The following IFRD1 variants were observed in gnomAD, a reference collection of about 807,000 sequenced individuals.
The protein encoded by IFRD1 is interferon-related developmental regulator 1.
Under a neutral mutation model 52.9 loss-of-function variants are expected in IFRD1, and 35 were observed. That is an observed-to-expected ratio of 0.66 (90% CI 0.51 to 0.88). IFRD1 has a LOEUF of 0.88. IFRD1 is among the 40% of genes least tolerant of loss of function. The probability of loss-of-function intolerance (pLI) is 0.00; values close to 1 mark genes in which losing one functional copy is unlikely to be tolerated. For synonymous variants in IFRD1, 184 were observed against 188.4 expected, an observed-to-expected ratio of 0.98 and a Z score of 0.19; for missense variants, 517 against 550.8, an observed-to-expected ratio of 0.94 and a Z score of 0.61.
At chr7:112,446,294 C>A, upstream of IFRD1, 1 of 224,112 alleles carries the variant, frequency 4.5e-6, no homozygotes, top group South Asian at 6.9e-5. Context: ...CTTATTTTGC[C>A]ATTCTCATCC....
chr7:112,447,701 A>G (rs1260151364), upstream of IFRD1, among the ~76,000 whole-genome samples: 1 of 152,086 alleles, frequency 6.6e-6, no homozygotes, highest in East Asian at 1.9e-4. Flanking sequence ...TGATGTTTGG[A>G]GTCTTCTAAT....
chr7:112,473,868 CAAAAG>C (rs1052466063), intron 11 of IFRD1, among the ~76,000 whole-genome samples: 10 of 152,144 alleles, frequency 6.6e-5, no homozygotes, highest in African/African-American at 9.7e-5. Flanking sequence ...ATTATCACCT[CAAAAG>C]AAAACCTTCT....
chr7:112,453,552 G>A (rs1213329400), intron 1 of IFRD1, among the ~76,000 whole-genome samples: 1 of 152,086 alleles, frequency 6.6e-6, no homozygotes, highest in Non-Finnish European at 1.5e-5. Flanking sequence ...CTTAGAAATA[G>A]GCTATGAAAA....
upstream of IFRD1, among the ~76,000 whole-genome samples, chr7:112,446,534 G>A (rs907757960): frequency 2.0e-5 from 3 of 152,192 alleles, no homozygotes; most frequent in African/African-American, 7.2e-5. Flanking sequence ...TAAGTAGTGC[G>A]ATGTACTTTG....
At chr7:112,451,096 C>T (rs373027018) in intron 1 of IFRD1, 16 of 329,128 alleles carry the variant, frequency 4.9e-5, no homozygotes, top group Non-Finnish European at 6.9e-5. Flanking sequence ...TGTCAGAGTT[C>T]CTTTCTCGGC....
chr7:112,444,395 G>A (rs764846614), intron 1 of IFRD1, among the ~76,000 whole-genome samples: 17 of 152,276 alleles, frequency 1.1e-4, no homozygotes, highest in South Asian at 2.1e-4. Flanking sequence ...AAATTTGCCC[G>A]CCGAATCATT....
intron 1 of IFRD1, among the ~76,000 whole-genome samples, chr7:112,441,237 T>C (rs1794878876): frequency 1.3e-5 from 2 of 152,050 alleles, no homozygotes; most frequent in Admixed American, 1.3e-4. Context: ...ACCACGCCAC[T>C]GCACTCCAGC....
At chr7:112,454,263 GGCTCACTGCAGTCTGT>G (rs1795234962) in intron 1 of IFRD1, among the ~76,000 whole-genome samples, 1 of 151,462 alleles carries the variant, frequency 6.6e-6, no homozygotes, top group Admixed American at 6.6e-5. Flanking sequence ...GTGCTATCTC[GGCTCACTGCAGTCTGT>G]GCCACCTGGG....
chr7:112,424,688 TGCA>T (rs1794392369), intron 1 of IFRD1, among the ~76,000 whole-genome samples: 1 of 152,122 alleles, frequency 6.6e-6, no homozygotes, highest in Admixed American at 6.5e-5. Context: ...GTGCTGGGAT[TGCA>T]GGCCTGAGCC....
intron 1 of IFRD1, chr7:112,435,621 G>GGGGTGTGT (rs1554503431): frequency 9.2e-6 from 1 of 108,840 alleles, no homozygotes; most frequent in Admixed American, 1.0e-4. Context: ...ATCTGCTACA[G>GGGGTGTGT]GTGTGTGTGT....
At position 112,461,625 on chromosome 7, in the gene IFRD1, G is replaced by A. The variant is rs114622204; in HGVS notation, c.568-241G>A. ...GGATCAATAAAAGAAGACTGAAGAGGAACAGAATCACTTTGTTAAAGTCAT... is the reference window on the plus strand; with the variant it reads ...GGATCAATAAAAGAAGACTGAAGAGAAACAGAATCACTTTGTTAAAGTCAT... On this transcript the variant is annotated intron_variant, in intron 5 of 11. Transcript: ENST00000403825. The A allele has an allele frequency of 9.3e-3, 2,676 of 286,228 alleles. 72 individuals carry two copies. The highest frequency in any genetic ancestry group is 0.056 in the African/African-American group (2,525 of 45,462). The allele number at this position is 286,228 out of a possible 1,614,324, so 17.7% of individuals were successfully genotyped here.
rs565300368 is a variant in IFRD1 at position 112,461,856 on chromosome 7, T to A, written c.568-10T>A. ...CATTAATGTCTATATATATATATTTTTTTTTTTAGTGTGCAACTTGCTTTG... is the reference window on the plus strand; with the variant it reads ...CATTAATGTCTATATATATATATTTATTTTTTTAGTGTGCAACTTGCTTTG... On this transcript the variant is annotated splice_polypyrimidine_tract_variant and intron_variant, in intron 5 of 11. Transcript: ENST00000403825. 1.3e-3 allele frequency: 1,834 copies of A among 1,395,098 alleles called. 11 individuals are homozygous for A. The highest frequency in any genetic ancestry group is 8.0e-3 in the Admixed American group (459 of 57,154). The allele number at this position is 1,395,098 out of a possible 1,614,324, so 86.4% of individuals were successfully genotyped here.
upstream of IFRD1, among the ~76,000 whole-genome samples, chr7:112,448,380 G>A (rs1434438486): frequency 1.3e-5 from 2 of 152,208 alleles, no homozygotes; most frequent in Non-Finnish European, 2.9e-5. Flanking sequence ...GCTGGAACCT[G>A]GATGTTAGGC....
At chr7:112,434,811 G>A (rs991608235) in intron 1 of IFRD1, among the ~76,000 whole-genome samples, 2 of 152,024 alleles carry the variant, frequency 1.3e-5, no homozygotes, top group Admixed American at 6.5e-5. Flanking sequence ...TCATACTATT[G>A]TACAGAATGA....
intron 1 of IFRD1, among the ~76,000 whole-genome samples, chr7:112,440,137 C>T (rs1280846009): frequency 6.6e-6 from 1 of 152,146 alleles, no homozygotes. Flanking sequence ...AGGCGTTCGC[C>T]ACCATGCCAA....
chr7:112,458,083 T>G (rs1195636388), intron 4 of IFRD1: 1 of 152,204 alleles, frequency 6.6e-6, no homozygotes, highest in African/African-American at 2.4e-5. Flanking sequence ...ATTAAAGGTG[T>G]TTTACATTCA....
chr7:112,445,551 G>C (rs1452403694), upstream of IFRD1, among the ~76,000 whole-genome samples: 2 of 152,232 alleles, frequency 1.3e-5, no homozygotes, highest in Admixed American at 1.3e-4. Flanking sequence ...GTGTGGACTT[G>C]CAATAAATGT....
chr7:112,475,801 G>T lies in IFRD1; in HGVS notation c.*282G>T. 1 of 350,408 alleles carries T rather than the reference G, an allele frequency of 2.9e-6. No individual in the cohort carries two copies. The highest frequency in any genetic ancestry group is 6.1e-5 in the East Asian group (1 of 16,424). 21.7% of individuals were successfully genotyped at this position (350,408 alleles called of 1,614,324 possible). A position where few individuals can be genotyped will look rare whatever the true frequency, so the allele number is the denominator to read the frequency against. On this transcript the variant is annotated 3_prime_UTR_variant, in exon 12 of 12. Coordinates refer to ENST00000403825, the MANE Select transcript of IFRD1 (RefSeq NM_001550.4). ...GATTTCATGATGGGGAAAACAATTA[G>T]CCAAAGTTTAATTTCTTACACTGTG...
intron 1 of IFRD1, among the ~76,000 whole-genome samples, chr7:112,436,322 A>C (rs1032012989): frequency 6.6e-6 from 1 of 152,250 alleles, no homozygotes; most frequent in East Asian, 1.9e-4. Context: ...AGCTGACTGC[A>C]ACAAATGCAA....
Sources: gnomAD v4.1 joint callset for allele counts (sites outside exome capture counted in the v4.1 genomes callset) on GRCh38, gnomAD v4.1.1 for gene constraint, MANE v1.5 for transcripts, NCBI Gene and HGNC (gene_info 2026-07-23, HGNC 2026-07-21) for gene names.